GSE1: variants seen among roughly 807,000 people sequenced by gnomAD.
GSE1 encodes the protein genetic suppressor element 1.
GSE1 carries 32 observed loss-of-function variants against 112.6 expected under a neutral mutation model. The observed-to-expected ratio is 0.28, with a 90% CI of 0.21 to 0.38. The LOEUF (loss-of-function observed/expected upper bound fraction) is 0.38. Among genes scored for constraint, GSE1 ranks in the 10% least tolerant of loss-of-function variants. The pLI, the probability that GSE1 is intolerant of heterozygous loss-of-function variation, is 1.00. For missense variants in GSE1, 2,348 were observed against 1,699.2 expected (o/e 1.38, Z -6.71); for synonymous variants, 1,115 against 735.6 (o/e 1.52, Z -8.35).
At chr16:85,254,851 T>C (rs1256379488) in intron 1 of GSE1, among the ~76,000 whole-genome samples, 1 of 152,214 alleles carries the variant, frequency 6.6e-6, no homozygotes, top group Non-Finnish European at 1.5e-5. Context: ...GTTTCACACC[T>C]GCAGCAGCCG....
intron 1 of GSE1, among the ~76,000 whole-genome samples, chr16:85,300,082 G>A (rs986196596): frequency 2.6e-5 from 4 of 151,584 alleles, no homozygotes; most frequent in Admixed American, 6.6e-5. Flanking sequence ...CACCATCTCA[G>A]CTCACCGTAA....
At chr16:85,301,167 C>T (rs771847154) in intron 1 of GSE1, among the ~76,000 whole-genome samples, 4 of 152,212 alleles carry the variant, frequency 2.6e-5, no homozygotes, top group Non-Finnish European at 4.4e-5. Context: ...AGTGTCAGGG[C>T]GGTTGCCAAG....
chr16:85,269,328 A>C (rs1908590945), intron 1 of GSE1, among the ~76,000 whole-genome samples: 1 of 149,232 alleles, frequency 6.7e-6, no homozygotes, highest in South Asian at 2.1e-4. Flanking sequence ...CCCCAGCAGC[A>C]TCAGAGGCAG....
At chr16:85,450,113 C>G in intron 2 of GSE1, among the ~76,000 whole-genome samples, 1 of 76,862 alleles carries the variant, frequency 1.3e-5, no homozygotes. Context: ...TTTTAGGCAG[C>G]TGACTTTTTT....
intron 12 of GSE1, among the ~76,000 whole-genome samples, chr16:85,665,431 C>T (rs780659897): frequency 2.0e-5 from 3 of 152,200 alleles, no homozygotes; most frequent in Non-Finnish European, 4.4e-5. Flanking sequence ...ACATGGAGGC[C>T]AATCCAATGG....
chr16:85,651,854 G>A (rs1231667361), intron 3 of GSE1, among the ~76,000 whole-genome samples: 1 of 152,230 alleles, frequency 6.6e-6, no homozygotes, highest in East Asian at 1.9e-4. Flanking sequence ...CTAGCTTTAG[G>A]CCTGGTGTTC....
At chr16:85,344,044 C>T (rs992379035) in intron 1 of GSE1, among the ~76,000 whole-genome samples, 12 of 152,206 alleles carry the variant, frequency 7.9e-5, no homozygotes, top group African/African-American at 2.7e-4. Context: ...GATACGTCTC[C>T]TTCAGCGGCT....
intron 2 of GSE1, among the ~76,000 whole-genome samples, chr16:85,430,342 C>T (rs1287513778): frequency 6.6e-6 from 1 of 152,180 alleles, no homozygotes; most frequent in Non-Finnish European, 1.5e-5. Context: ...GACACCCAGA[C>T]AGCCTCCCGT....
chr16:85,235,428 C>CTCTGTGTGTGTGTG lies in GSE1; in HGVS notation c.2283+63622_2283+63623insCTGTGTGTGTGTGT, dbSNP rs775585078. ...GGGTGAGGGGGGTGATGGAAGGGTACTGTGTGTGTGTGTGTGTGTGTGTGT... is the reference window on the plus strand; with the variant it reads ...GGGTGAGGGGGGTGATGGAAGGGTACTCTGTGTGTGTGTGTGTGTGTGTGTGTGTGTGTGTGTGT... On this transcript the variant is annotated intron_variant, in intron 1 of 2. Coordinates refer to the GSE1 transcript ENST00000637419. Among the ~76,000 whole-genome samples, 512 of 126,378 alleles carry CTCTGTGTGTGTGTG rather than the reference C, an allele frequency of 4.1e-3. 4 individuals carry two copies. The highest frequency in any genetic ancestry group is 4.4e-3 in the African/African-American group (142 of 32,602). The allele number at this position is 126,378 out of a possible 152,430, so 82.9% of individuals were successfully genotyped here.
At chr16:85,368,068 G>A (rs2047221940) in intron 2 of GSE1, among the ~76,000 whole-genome samples, 1 of 152,048 alleles carries the variant, frequency 6.6e-6, no homozygotes, top group African/African-American at 2.4e-5. Context: ...TGGTCGGGCT[G>A]GTCTCGAACT....
In GSE1 at chr16:85,566,792, C is replaced by T. The variant is rs62050028; in HGVS notation, c.37+10429C>T. Among the ~76,000 whole-genome samples, 278 of 152,310 alleles carry T rather than the reference C, an allele frequency of 1.8e-3. 1 individual carries two copies. Among genetic ancestry groups the T allele is most frequent in the Non-Finnish European group, 3.1e-3 (213 of 68,024 alleles). On this transcript the variant is annotated intron_variant, in intron 1 of 2. Transcript: ENST00000635906. ...CTGTGTCAACCGTTTGCTGGTTTCC[C>T]GTGATTATCTGACAAGAGAAAGGGG...
chr16:85,424,248 C>A (rs2048915985), intron 2 of GSE1, among the ~76,000 whole-genome samples: 1 of 152,254 alleles, frequency 6.6e-6, no homozygotes, highest in Admixed American at 6.5e-5. Context: ...GGCACAAAGC[C>A]CCCGCCCCTC....
rs562355373 is a variant in GSE1, at chr16:85,482,694, T to A, written c.2464+125051T>A. On this transcript the variant is annotated intron_variant, in intron 2 of 2. Coordinates refer to the GSE1 transcript ENST00000637419. ...TCCAAGGTGTTCCAAAATACAAAGC[T>A]CAGGCGAGCACAGTGGCTCACCCCT... is the stretch of plus-strand genomic sequence containing the variant. 5.3e-5 allele frequency among the ~76,000 whole-genome samples: 8 copies of A among 152,292 alleles called. No individual in the cohort carries two copies. In the South Asian group the frequency reaches 1.5e-3, roughly 28 times the overall value.
chr16:85,366,525 CCCTGAGAGGCTCTTT>C, intron 2 of GSE1, among the ~76,000 whole-genome samples: 1 of 152,324 alleles, frequency 6.6e-6, no homozygotes, highest in South Asian at 2.1e-4. Context: ...GCCCAGGCAG[CCCTGAGAGGCTCTTT>C]CCTTGTAAGT....
At chr16:85,336,797 C>T (rs1406518292) in intron 1 of GSE1, among the ~76,000 whole-genome samples, 1 of 152,188 alleles carries the variant, frequency 6.6e-6, no homozygotes, top group East Asian at 1.9e-4. Context: ...TGCACATATG[C>T]ATGCTCACAC....
intron 10 of GSE1, 119 bp from the exon 11 acceptor site, chr16:85,663,222 TCTC>T: frequency 7.5e-7 from 1 of 1,324,870 alleles, no homozygotes; most frequent in Non-Finnish European, 1.1e-6. Flanking sequence ...ATGAAGCTCT[TCTC>T]CCACCAGGCG....
At chr16:85,555,252 C>T (rs1440760533), upstream of GSE1, 2 of 985,416 alleles carry the variant, frequency 2.0e-6, no homozygotes, top group Non-Finnish European at 2.4e-6. Context: ...GGCTCTCCAC[C>T]GCCGTGCGCT....
chr16:85,484,907 C>G (rs1160342943), intron 2 of GSE1, among the ~76,000 whole-genome samples: 1 of 152,234 alleles, frequency 6.6e-6, no homozygotes, highest in African/African-American at 2.4e-5. Flanking sequence ...CTGCCTCACC[C>G]TGTGCCTGCC....
intron 1 of GSE1, among the ~76,000 whole-genome samples, chr16:85,340,848 C>T (rs142742699): frequency 6.6e-6 from 1 of 152,290 alleles, no homozygotes; most frequent in East Asian, 1.9e-4. Context: ...TGGGCTGGAG[C>T]CCTGAGCTGC....
Sources: gnomAD v4.1 joint callset for allele counts (sites outside exome capture counted in the v4.1 genomes callset) on GRCh38, gnomAD v4.1.1 for gene constraint, MANE v1.5 for transcripts, NCBI Gene and HGNC (gene_info 2026-07-23, HGNC 2026-07-21) for gene names.